Variants in FANCM observed in about 807,000 individuals in gnomAD.
FANCM encodes the protein Fanconi anemia group M protein.
Under a neutral mutation model 199.5 loss-of-function variants are expected in FANCM, and 140 were observed. That is an observed-to-expected ratio of 0.70 (90% CI 0.61 to 0.81). The LOEUF is 0.81. Ranked by LOEUF, FANCM falls within the 30% of genes least tolerant of loss-of-function variation. The probability of loss-of-function intolerance (pLI) is 0.00; values close to 1 mark genes in which losing one functional copy is unlikely to be tolerated. For synonymous variants in FANCM, 840 were observed against 836.8 expected (o/e 1.00, Z -0.07); for missense variants, 2,410 against 2,421.4 (o/e 1.00, Z 0.10).
chr14:45,195,102 T>C (rs553299525), intron 20 of FANCM, among the ~76,000 whole-genome samples: 2 of 152,374 alleles, frequency 1.3e-5, no homozygotes, highest in South Asian at 2.1e-4. Flanking sequence ...CAGAACCTCA[T>C]TAACAGAGAA....
chr14:45,179,718 C>T (rs914537707), intron 14 of FANCM, among the ~76,000 whole-genome samples: 3 of 151,860 alleles, frequency 2.0e-5, no homozygotes, highest in African/African-American at 4.8e-5. Context: ...CCTGCCACCA[C>T]GCCCGACTAA....
intron 3 of FANCM, among the ~76,000 whole-genome samples, chr14:45,141,175 C>T (rs568119711): frequency 1.2e-4 from 18 of 151,412 alleles, no homozygotes; most frequent in Non-Finnish European, 2.1e-4. Context: ...GTAGTCCCAG[C>T]TACTCAGGAG....
chr14:45,179,518 C>G (rs1369691526), intron 14 of FANCM, among the ~76,000 whole-genome samples: 1 of 151,024 alleles, frequency 6.6e-6, no homozygotes, highest in Non-Finnish European at 1.5e-5. Flanking sequence ...GAAGTCTTAG[C>G]TAGATCACCT....
rs747221607 is a variant in FANCM, at chr14:45,166,971, A to G, written c.1810A>G (p.Asn604Asp). The change falls in exon 11 of 23, where the codon AAC becomes GAC. Residue 604 changes from asparagine to aspartate, a missense_variant. Physicochemically the swap from Asn to Asp is conservative, Grantham distance 23. Transcript: ENST00000267430. The stretch of plus-strand genomic sequence containing the variant: ...ACAGATTTATAATCAGAGTCAGTCC[A>G]ACAAAAGAAGTATATATAAAGCTAT... ...EERIYNQSQS[N>D]KRSIYKAISS... 12 of 1,580,680 alleles carry G rather than the reference A, an allele frequency of 7.6e-6. No homozygotes were observed. The highest frequency in any genetic ancestry group is 1.3e-5 in the African/African-American group (1 of 74,206).
At chr14:45,150,707 C>T (rs1032983395) in intron 4 of FANCM, among the ~76,000 whole-genome samples, 1 of 152,128 alleles carries the variant, frequency 6.6e-6, no homozygotes, top group African/African-American at 2.4e-5. Flanking sequence ...AATAATGATC[C>T]CTTTCCTCTC....
rs1286385009 is a variant in FANCM, at chr14:45,196,312, C to T, written c.5481C>T (p.Ile1827=). The change falls in exon 21 of 23, where the codon ATC becomes ATT. Residue 1827 remains isoleucine, a synonymous_variant. Transcript: ENST00000267430. ...GTATTCTTGTAGGTGGTCATGAAAT[C>T]ACTTCTGGATTAGAAGTAATTTCTT... ...GTCILVGGHE[I]TSGLEVISSL... 6.2e-7 allele frequency: 1 copy of T among 1,613,958 alleles called. No homozygotes were observed. The highest frequency in any genetic ancestry group is 1.7e-5 in the Admixed American group (1 of 60,014).
In FANCM at chr14:45,177,782, G is replaced by T. The variant is rs557131523; in HGVS notation, c.4222+806G>T. Among the ~76,000 whole-genome samples, 5 of 152,264 alleles carry T rather than the reference G, an allele frequency of 3.3e-5. No homozygotes were observed. In the South Asian group the frequency reaches 1.0e-3, roughly 32 times the overall value. ...TGAAGATACTAAAGACATAATTTAG[G>T]TGTTACAAAATGATGAAAGCGAGGG... is the stretch of plus-strand genomic sequence containing the variant. On this transcript the variant is annotated intron_variant, in intron 14 of 22. Coordinates refer to ENST00000267430, the MANE Select transcript of FANCM (RefSeq NM_020937.4).
intron 1 of FANCM, 128 bp downstream of exon 1, chr14:45,136,667 C>A: frequency 1.2e-6 from 1 of 868,830 alleles, no homozygotes; most frequent in Non-Finnish European, 1.9e-6. Context: ...GCAGCAAGCC[C>A]AAAACTGATG....
intron 6 of FANCM, among the ~76,000 whole-genome samples, chr14:45,154,315 C>T (rs1438361148): frequency 1.3e-5 from 2 of 150,936 alleles, no homozygotes; most frequent in Non-Finnish European, 2.9e-5. Context: ...GCGGGAGAAT[C>T]GCTTGAACCC....
chr14:45,173,293 A>G lies in FANCM; in HGVS notation c.2316+83A>G, dbSNP rs553013161. ...CTTTTATTTTTCTTAATTTGAAGTA[A>G]TAAGAAATACTTTGTTTTTCTGTAT... is the stretch of plus-strand genomic sequence containing the variant. On this transcript the variant is annotated intron_variant, in intron 13 of 22. Coordinates refer to ENST00000267430, the MANE Select transcript of FANCM (RefSeq NM_020937.4). 2.4e-6 allele frequency: 3 copies of G among 1,249,884 alleles called. No homozygotes were observed. The African/African-American group carries it at 4.4e-5, about 18-fold the overall frequency. 77.4% of individuals were successfully genotyped at this position (1,249,884 alleles called of 1,614,324 possible). A position where few individuals can be genotyped will look rare whatever the true frequency, so the allele number is the denominator to read the frequency against.
intron 4 of FANCM, among the ~76,000 whole-genome samples, chr14:45,150,369 T>C (rs1244431844): frequency 6.6e-6 from 1 of 152,210 alleles, no homozygotes; most frequent in Non-Finnish European, 1.5e-5. Context: ...ACAAATGTAA[T>C]TTAATTTTGT....
chr14:45,174,508 T>C (rs1156925010), intron 13 of FANCM, among the ~76,000 whole-genome samples: 4 of 152,156 alleles, frequency 2.6e-5, no homozygotes, highest in African/African-American at 9.7e-5. Context: ...AAGTTTTAGC[T>C]AATAACTTAG....
intron 20 of FANCM, among the ~76,000 whole-genome samples, chr14:45,191,207 A>G (rs1474153148): frequency 6.6e-6 from 1 of 152,120 alleles, no homozygotes; most frequent in Non-Finnish European, 1.5e-5. Flanking sequence ...TTTCCCAGGG[A>G]AAGACTTATT....
intron 20 of FANCM, among the ~76,000 whole-genome samples, chr14:45,189,893 G>A (rs1326447583): frequency 2.0e-5 from 3 of 151,648 alleles, no homozygotes; most frequent in Non-Finnish European, 2.9e-5. Context: ...GCTTAAATCC[G>A]GGAGGCAGAG....
At chr14:45,161,069 T>C (rs566460885) in intron 9 of FANCM, among the ~76,000 whole-genome samples, 6 of 152,338 alleles carry the variant, frequency 3.9e-5, no homozygotes, top group Non-Finnish European at 8.8e-5. Context: ...ATTTTCATTA[T>C]TTGAAATACC....
intron 3 of FANCM, among the ~76,000 whole-genome samples, chr14:45,145,351 C>G (rs1000535728): frequency 2.6e-5 from 4 of 152,002 alleles, no homozygotes; most frequent in African/African-American, 9.7e-5. Flanking sequence ...CACTAGGTCA[C>G]GTGCCCCCCA....
At chr14:45,171,618 T>G (rs113463764) in intron 12 of FANCM, among the ~76,000 whole-genome samples, 1 of 152,062 alleles carries the variant, frequency 6.6e-6, no homozygotes, top group Non-Finnish European at 1.5e-5. Context: ...AGAATAATAG[T>G]CTCCAACTCC....
rs1889569618 is a variant in FANCM at position 45,188,800 on chromosome 14, A to G, written c.4780-2A>G. 1 of 1,601,874 alleles carries G rather than the reference A, an allele frequency of 6.2e-7. No homozygotes were observed. The highest frequency in any genetic ancestry group is 8.5e-7 in the Non-Finnish European group (1 of 1,170,316). The stretch of plus-strand genomic sequence containing the variant: ...TAAAACATTCTTGTGTTTTTATTGT[A>G]GATTCCTGAACAAGATGAAACCTAT... On this transcript the variant is annotated splice_acceptor_variant, in intron 19 of 22. Transcript: ENST00000267430. LOFTEE classifies it high-confidence loss of function.
chr14:45,146,045 C>A lies in FANCM; in HGVS notation c.760-2792C>A, dbSNP rs1157407309. On this transcript the variant is annotated intron_variant, in intron 3 of 22. Transcript: ENST00000267430. The stretch of plus-strand genomic sequence containing the variant: ...CTGCACTCCAGCCTGGGCCACAGAG[C>A]GAGACTCCGTCTCAAAAAAAAAAAA... Among the ~76,000 whole-genome samples, 22 of 126,304 alleles carry A rather than the reference C, an allele frequency of 1.7e-4. No homozygotes were observed. The South Asian group carries it at 5.7e-3, about 33-fold the overall frequency. The allele number at this position is 126,304 out of a possible 152,430, so 82.9% of individuals were successfully genotyped here. A position where few individuals can be genotyped will look rare whatever the true frequency, so the allele number is the denominator to read the frequency against.
Sources: allele counts gnomAD v4.1 joint callset (sites outside exome capture counted in the v4.1 genomes callset), GRCh38; gene constraint gnomAD v4.1.1; transcripts MANE v1.5; gene names NCBI Gene and HGNC (gene_info 2026-07-23, HGNC 2026-07-21).